The following RFX7 variants were observed in gnomAD, a reference collection of about 807,000 sequenced individuals.
RFX7 encodes the protein DNA-binding protein RFX7.
A neutral mutation model predicts 111.8 loss-of-function variants in RFX7; 26 were observed. The observed-to-expected ratio is 0.23, with a 90% confidence interval of 0.17 to 0.32. The LOEUF is 0.32. RFX7 is among the 10% of genes least tolerant of loss of function. The pLI is 1.00. For synonymous variants in RFX7, 624 were observed against 624.4 expected (o/e 1.00, Z 0.01); for missense variants, 1,573 against 1,772.9 (o/e 0.89, Z 2.02).
chr15:56,200,765 C>T lies in RFX7; in HGVS notation c.162-21462G>A, dbSNP rs2043186095. ...AGTGAGCAGAGGTCGCACCACTGCA[C>T]TCCAGCCTGGCAAGCCTCGCCGTCT... On this transcript the variant is annotated intron_variant, in intron 2 of 9. Transcript: ENST00000559447. Among the ~76,000 whole-genome samples, 3 of 151,980 alleles carry T rather than the reference C, an allele frequency of 2.0e-5. 1 individual carries two copies. The South Asian group carries it at 6.2e-4, about 32-fold the overall frequency.
At chr15:56,141,656 A>AATAAATATATATATATATATATATAT (rs1555421060) in intron 5 of RFX7, among the ~76,000 whole-genome samples, 2 of 83,208 alleles carry the variant, frequency 2.4e-5, no homozygotes, top group Non-Finnish European at 4.4e-5. Context: ...GCTTACTCTA[A>AATAAATATATATATATATATATATAT]ATATATATAT....
intron 3 of RFX7, among the ~76,000 whole-genome samples, chr15:56,160,559 C>A (rs1448209345): frequency 3.3e-5 from 5 of 152,014 alleles, no homozygotes; most frequent in African/African-American, 1.2e-4. Context: ...TTTTTCCCCC[C>A]TCAAGCGACA....
At chr15:56,176,862 C>T (rs1207562729) in intron 3 of RFX7, among the ~76,000 whole-genome samples, 1 of 152,002 alleles carries the variant, frequency 6.6e-6, no homozygotes, top group Non-Finnish European at 1.5e-5. Context: ...TACTGAACTT[C>T]TGCAATAGCC....
Position 56,098,231 on chromosome 15 carries a change from T to C in RFX7, c.957A>G (p.Lys319=), listed in dbSNP as rs369968308. 7 of 1,613,844 alleles carry C rather than the reference T, an allele frequency of 4.3e-6. No homozygotes were observed. The African/African-American group carries it at 5.3e-5, about 12-fold the overall frequency. Residue 319 remains lysine, a synonymous_variant, in exon 9 of 10, where the codon AAA becomes AAG. Transcript: ENST00000559447. ...RKIQKKQQEQ[K]LQSPLPGESA... is the part of the protein sequence containing the mutation. ...ATTCTCCTGGCAAAGGGGATTGTAGTTTCTGTTCTTGCTGCTTCTTCTGGA... is the reference window on the plus strand; with the variant it reads ...ATTCTCCTGGCAAAGGGGATTGTAGCTTCTGTTCTTGCTGCTTCTTCTGGA...
intron 5 of RFX7, among the ~76,000 whole-genome samples, chr15:56,125,624 T>TGA (rs2042134439): frequency 2.6e-5 from 4 of 151,106 alleles, no homozygotes; most frequent in Admixed American, 2.6e-4. Flanking sequence ...TGTGTGTGTG[T>TGA]GTGTGTGTGT....
chr15:56,214,978 A>T lies in RFX7; in HGVS notation c.161+28147T>A, dbSNP rs575862389. Among the ~76,000 whole-genome samples the T allele has an allele frequency of 2.0e-5, 3 of 152,104 alleles. No homozygotes were observed. In the East Asian group the frequency reaches 5.8e-4, roughly 29 times the overall value. ...TCTGAATATACTAAGAAATCTGTAC[A>T]TTTCTTGTTTCTAATTTTAAAGACA... On this transcript the variant is annotated intron_variant, in intron 2 of 9. Transcript: ENST00000559447.
At chr15:56,166,721 T>C (rs1300322048) in intron 3 of RFX7, among the ~76,000 whole-genome samples, 2 of 152,136 alleles carry the variant, frequency 1.3e-5, no homozygotes, top group Non-Finnish European at 2.9e-5. Flanking sequence ...AGACATCTTT[T>C]AATTGATTTC....
chr15:56,158,680 G>A (rs984714230), intron 3 of RFX7, among the ~76,000 whole-genome samples: 4 of 151,948 alleles, frequency 2.6e-5, no homozygotes, highest in African/African-American at 9.7e-5. Flanking sequence ...AAAATTAGCT[G>A]GTGTGGTGGT....
chr15:56,118,113 G>A (rs1438111755), intron 5 of RFX7, among the ~76,000 whole-genome samples: 1 of 151,994 alleles, frequency 6.6e-6, no homozygotes, highest in South Asian at 2.1e-4. Context: ...TCTGATATAG[G>A]CATACAATGT....
intron 5 of RFX7, among the ~76,000 whole-genome samples, chr15:56,126,976 T>A (rs1471836526): frequency 6.6e-6 from 1 of 152,080 alleles, no homozygotes; most frequent in Non-Finnish European, 1.5e-5. Context: ...AGGACACAGA[T>A]GACTTGATCA....
At chr15:56,181,346 C>G (rs1195906688) in intron 2 of RFX7, among the ~76,000 whole-genome samples, 1 of 152,202 alleles carries the variant, frequency 6.6e-6, no homozygotes, top group Non-Finnish European at 1.5e-5. Flanking sequence ...TCTTCCCTGA[C>G]TTCCCCATAT....
At chr15:56,134,367 TG>T (rs2042261175) in intron 5 of RFX7, among the ~76,000 whole-genome samples, 2 of 152,306 alleles carry the variant, frequency 1.3e-5, no homozygotes, top group East Asian at 3.9e-4. Flanking sequence ...TATGTGGAAA[TG>T]CTATGGGGGA....
At chr15:56,210,773 A>C (rs1388045060) in intron 2 of RFX7, among the ~76,000 whole-genome samples, 3 of 152,132 alleles carry the variant, frequency 2.0e-5, no homozygotes, top group Non-Finnish European at 4.4e-5. Context: ...CAACATGTCA[A>C]AATTTGTGAG....
chr15:56,179,270 CA>C lies in RFX7; in HGVS notation c.194del (p.Leu65CysfsTer10). On this transcript the variant is annotated frameshift_variant and splice_region_variant, in exon 3 of 10. Coordinates refer to ENST00000559447, the MANE Select transcript of RFX7 (RefSeq NM_022841.7). LOFTEE classifies it high-confidence loss of function. The stretch of plus-strand genomic sequence containing the variant: ...TTTTAATATTAGTTATTTCACTTAC[CA>C]AAATGCAGTCCACTTTAGATTGTAC... Reference protein sequence around the residue: ...KTVQSKVDCILQEVEKFTDLE... With the variant: ...KTVQSKVDCIXQEVEKFTDLE... 1 of 1,276,430 alleles carries C rather than the reference CA, an allele frequency of 7.8e-7. No homozygotes were observed. Among genetic ancestry groups the C allele is most frequent in the Non-Finnish European group, 1.0e-6 (1 of 964,740 alleles). 79.1% of individuals were successfully genotyped at this position (1,276,430 alleles called of 1,614,324 possible).
intron 2 of RFX7, among the ~76,000 whole-genome samples, chr15:56,233,525 C>G (rs1462097342): frequency 6.6e-6 from 1 of 151,964 alleles, no homozygotes; most frequent in African/African-American, 2.4e-5. Flanking sequence ...ACACTGCAAA[C>G]TGGGAAACTT....
At chr15:56,151,015 G>GA (rs1168486716) in intron 3 of RFX7, among the ~76,000 whole-genome samples, 34 of 145,496 alleles carry the variant, frequency 2.3e-4, no homozygotes, top group East Asian at 4.0e-4. Flanking sequence ...AGATTAGAGG[G>GA]AAAAAAAAAA....
chr15:56,242,469 C>A (rs1285251902), intron 2 of RFX7, among the ~76,000 whole-genome samples: 1 of 151,898 alleles, frequency 6.6e-6, no homozygotes, highest in African/African-American at 2.4e-5. Flanking sequence ...ATACAAATGG[C>A]AAGACATTTG....
chr15:56,099,623 CTATATT>C (rs1472400536), intron 8 of RFX7, among the ~76,000 whole-genome samples: 1 of 151,352 alleles, frequency 6.6e-6, no homozygotes, highest in African/African-American at 2.4e-5. Context: ...AATATGGAGA[CTATATT>C]TATAAAAAAA....
chr15:56,239,350 C>T (rs1379497352), intron 2 of RFX7, among the ~76,000 whole-genome samples: 1 of 151,860 alleles, frequency 6.6e-6, no homozygotes, highest in East Asian at 1.9e-4. Context: ...CTCACAGCAA[C>T]CTCCGCCTCC....
Sources: gnomAD v4.1 joint callset for allele counts (sites outside exome capture counted in the v4.1 genomes callset) on GRCh38, gnomAD v4.1.1 for gene constraint, MANE v1.5 for transcripts, NCBI Gene and HGNC (gene_info 2026-07-23, HGNC 2026-07-21) for gene names.